Variants in ADGRL3 observed in about 807,000 individuals in gnomAD.
ADGRL3 encodes the protein adhesion G protein-coupled receptor L3.
ADGRL3 carries 62 observed loss-of-function variants against 153.5 expected under a neutral mutation model. The observed-to-expected ratio is 0.40, with a 90% CI of 0.33 to 0.50. The LOEUF (loss-of-function observed/expected upper bound fraction) is 0.50. ADGRL3 is among the 20% of genes least tolerant of loss of function. The pLI, the probability that ADGRL3 is intolerant of heterozygous loss-of-function variation, is 0.47. For missense variants in ADGRL3, 1,641 were observed against 1,859.4 expected (o/e 0.88, Z 2.16); for synonymous variants, 710 against 672.5 (o/e 1.06, Z -0.86).
chr4:61,315,680 G>C (rs920875855), intron 1 of ADGRL3, among the ~76,000 whole-genome samples: 1 of 152,134 alleles, frequency 6.6e-6, no homozygotes. Context: ...AAGGAGTGTA[G>C]AGACATAAAA....
chr4:61,452,646 T>C (rs2097689508), intron 2 of ADGRL3, among the ~76,000 whole-genome samples: 1 of 152,196 alleles, frequency 6.6e-6, no homozygotes, highest in Non-Finnish European at 1.5e-5. Flanking sequence ...ATAAAATATA[T>C]AAGTCGAATC....
At chr4:61,827,110 G>A (rs1161075211) in intron 9 of ADGRL3, among the ~76,000 whole-genome samples, 1 of 152,114 alleles carries the variant, frequency 6.6e-6, no homozygotes, top group Non-Finnish European at 1.5e-5. Context: ...GAGTCTCTAA[G>A]AGCAGCATCT....
intron 6 of ADGRL3, among the ~76,000 whole-genome samples, chr4:61,681,171 A>T (rs749886479): frequency 2.0e-5 from 3 of 152,026 alleles, no homozygotes; most frequent in Admixed American, 1.3e-4. Flanking sequence ...TGTCATCTAG[A>T]GCTGCCTTCA....
chr4:61,492,294 G>A lies in ADGRL3; in HGVS notation c.-173-4827G>A, dbSNP rs151069213. ...AATTTGTAGTTATAATTTATAACAA[G>A]TGAAAAGTTAAGAGTTGGGGAAATT... On this transcript the variant is annotated intron_variant, in intron 2 of 26. Coordinates refer to ENST00000683033, the MANE Select transcript of ADGRL3 (RefSeq NM_001387552.1). 2.6e-4 allele frequency among the ~76,000 whole-genome samples: 39 copies of A among 152,256 alleles called. No individual in the cohort carries two copies. The East Asian group carries it at 7.3e-3, about 29-fold the overall frequency.
intron 21 of ADGRL3, among the ~76,000 whole-genome samples, chr4:62,018,637 G>A (rs1002843858): frequency 6.6e-5 from 10 of 152,170 alleles, no homozygotes; most frequent in African/African-American, 1.9e-4. Flanking sequence ...TGAGTGCGAA[G>A]GTGGCAGACA....
At chr4:61,429,347 G>A (rs1457888781) in intron 2 of ADGRL3, among the ~76,000 whole-genome samples, 5 of 152,130 alleles carry the variant, frequency 3.3e-5, no homozygotes, top group African/African-American at 1.2e-4. Flanking sequence ...AGAAAGGTGG[G>A]TAGAAAGCAA....
intron 18 of ADGRL3, among the ~76,000 whole-genome samples, chr4:61,981,522 A>T (rs1211074074): frequency 6.6e-6 from 1 of 152,040 alleles, no homozygotes; most frequent in Non-Finnish European, 1.5e-5. Context: ...AAGGAGGAAG[A>T]AAAAAAGGGA....
At chr4:61,992,720 T>A (rs994763043) in intron 19 of ADGRL3, among the ~76,000 whole-genome samples, 7 of 152,144 alleles carry the variant, frequency 4.6e-5, no homozygotes, top group Non-Finnish European at 1.0e-4. Context: ...GATATAAAAT[T>A]TTTTCTCAAA....
chr4:61,930,659 G>A (rs374592107), intron 13 of ADGRL3, among the ~76,000 whole-genome samples: 5 of 151,520 alleles, frequency 3.3e-5, no homozygotes, highest in African/African-American at 4.9e-5. Flanking sequence ...TAATAATGTC[G>A]CATTAAAAAA....
intron 2 of ADGRL3, among the ~76,000 whole-genome samples, chr4:61,460,510 TAGAATGATAATTAAC>T (rs1196128857): frequency 6.6e-6 from 1 of 150,740 alleles, no homozygotes; most frequent in Non-Finnish European, 1.5e-5. Flanking sequence ...AGGTAGAGAG[TAGAATGATAATTAAC>T]AGAGACAGGG....
intron 1 of ADGRL3, among the ~76,000 whole-genome samples, chr4:61,357,971 A>G (rs1246928802): frequency 6.6e-6 from 1 of 152,192 alleles, no homozygotes; most frequent in Non-Finnish European, 1.5e-5. Context: ...TGAACAATTT[A>G]TTTAGCTTCC....
chr4:61,758,048 G>T lies in ADGRL3; in HGVS notation c.1399+24494G>T, dbSNP rs539454059. ...GGAGTGCTTTACTTCCAACTATGTG[G>T]TCAATTTTGGAATAGGTGCAGTGTG... On this transcript the variant is annotated intron_variant, in intron 8 of 26. Coordinates refer to ENST00000683033, the MANE Select transcript of ADGRL3 (RefSeq NM_001387552.1). 9.2e-5 allele frequency among the ~76,000 whole-genome samples: 14 copies of T among 151,812 alleles called. No homozygotes were observed. In the South Asian group the frequency reaches 2.1e-3, roughly 22 times the overall value.
Position 61,200,611 on chromosome 4 carries a change from C to T in ADGRL3, c.-1394C>T, listed in dbSNP as rs2148666048. Among the ~76,000 whole-genome samples, 1 of 151,916 alleles carries T rather than the reference C, an allele frequency of 6.6e-6. No individual in the cohort carries two copies. The highest frequency in any genetic ancestry group is 2.4e-5 in the African/African-American group (1 of 41,448). ...CCGCCGCCTGTGACTCGCCCCCTCC[C>T]CTTTCTTTCTTCTCTTTTTGCCTTG... On this transcript the variant is annotated 5_prime_UTR_variant, in exon 1 of 27. Transcript: ENST00000683033.
At chr4:61,994,792 A>C (rs1353199899) in intron 19 of ADGRL3, among the ~76,000 whole-genome samples, 1 of 151,832 alleles carries the variant, frequency 6.6e-6, no homozygotes, top group Non-Finnish European at 1.5e-5. Flanking sequence ...CATCAAAAAT[A>C]TATTGTGTGT....
At chr4:61,778,260 C>T (rs1476167140) in intron 8 of ADGRL3, among the ~76,000 whole-genome samples, 8 of 152,212 alleles carry the variant, frequency 5.3e-5, no homozygotes, top group Non-Finnish European at 1.0e-4. Context: ...CTATTCCAAA[C>T]TCTGGAAAAA....
intron 3 of ADGRL3, among the ~76,000 whole-genome samples, chr4:61,503,608 A>T (rs1448436329): frequency 2.0e-5 from 3 of 152,018 alleles, no homozygotes; most frequent in Non-Finnish European, 4.4e-5. Flanking sequence ...TTTTGAAAAG[A>T]CGGTAAGATA....
intron 1 of ADGRL3, among the ~76,000 whole-genome samples, chr4:61,365,783 A>G (rs1405417030): frequency 6.6e-6 from 1 of 152,184 alleles, no homozygotes; most frequent in African/African-American, 2.4e-5. Flanking sequence ...TTTTCTTATT[A>G]TCTCTCTCTC....
intron 1 of ADGRL3, among the ~76,000 whole-genome samples, chr4:61,208,133 A>T (rs1738198395): frequency 6.6e-6 from 1 of 152,146 alleles, no homozygotes; most frequent in Admixed American, 6.6e-5. Flanking sequence ...TGGGAAGGCT[A>T]CAAAGGAGTC....
At chr4:61,981,797 T>C (rs1298489695) in intron 18 of ADGRL3, among the ~76,000 whole-genome samples, 1 of 152,184 alleles carries the variant, frequency 6.6e-6, no homozygotes, top group African/African-American at 2.4e-5. Context: ...TGTTTTCTGG[T>C]ATGTGTCCAT....
Sources: allele counts gnomAD v4.1 joint callset (sites outside exome capture counted in the v4.1 genomes callset), GRCh38; gene constraint gnomAD v4.1.1; transcripts MANE v1.5; gene names NCBI Gene and HGNC (gene_info 2026-07-23, HGNC 2026-07-21).